AK5: variants seen among roughly 807,000 people sequenced by gnomAD.
The protein encoded by AK5 is adenylate kinase 5.
AK5 carries 27 observed loss-of-function variants against 69.5 expected under a neutral mutation model. The observed-to-expected ratio is 0.39, with a 90% CI of 0.29 to 0.54. The LOEUF (loss-of-function observed/expected upper bound fraction) is 0.54. Among genes scored for constraint, AK5 ranks in the 20% least tolerant of loss-of-function variants. AK5 has a pLI of 0.71. For missense variants in AK5, 531 were observed against 700.4 expected (o/e 0.76, Z 2.73); for synonymous variants, 260 against 244.4 (o/e 1.06, Z -0.60).
chr1:77,539,625 G>A (rs368022756), intron 13 of AK5, among the ~76,000 whole-genome samples: 5 of 152,194 alleles, frequency 3.3e-5, no homozygotes, highest in Non-Finnish European at 5.9e-5. Context: ...TGACAAGAGC[G>A]GGGACTGCAG....
intron 8 of AK5, among the ~76,000 whole-genome samples, chr1:77,468,179 A>G (rs1654259774): frequency 2.0e-5 from 3 of 152,220 alleles, no homozygotes; most frequent in Admixed American, 2.0e-4. Context: ...ATACCATTGA[A>G]GCAGCATTTG....
At chr1:77,425,256 GGCAAGAAATGTTAAA>G (rs1651121087) in intron 8 of AK5, among the ~76,000 whole-genome samples, 1 of 152,108 alleles carries the variant, frequency 6.6e-6, no homozygotes, top group African/African-American at 2.4e-5. Context: ...AGACCTGCCT[GGCAAGAAATGTTAAA>G]AGAACTTCTT....
chr1:77,472,971 G>A (rs903900830), intron 8 of AK5, among the ~76,000 whole-genome samples: 4 of 149,158 alleles, frequency 2.7e-5, no homozygotes, highest in South Asian at 2.2e-4. Flanking sequence ...TTGTGATTGC[G>A]TTGAGCCCGC....
intron 8 of AK5, among the ~76,000 whole-genome samples, chr1:77,435,061 C>T (rs747677991): frequency 7.2e-5 from 11 of 152,106 alleles, no homozygotes; most frequent in Non-Finnish European, 1.6e-4. Context: ...AGCATCAGGT[C>T]ATAACAGCAG....
intron 5 of AK5, among the ~76,000 whole-genome samples, chr1:77,308,019 A>C (rs555924156): frequency 6.6e-6 from 1 of 152,270 alleles, no homozygotes; most frequent in Non-Finnish European, 1.5e-5. Context: ...TCAATTTCTT[A>C]AGTCCCAGAC....
intron 6 of AK5, among the ~76,000 whole-genome samples, chr1:77,378,478 C>T (rs1051315570): frequency 2.0e-5 from 3 of 152,146 alleles, no homozygotes; most frequent in Non-Finnish European, 2.9e-5. Flanking sequence ...TGCACCACCA[C>T]GCCCAGCTAA....
At chr1:77,289,000 T>C (rs538604438) in intron 2 of AK5, among the ~76,000 whole-genome samples, 5 of 152,210 alleles carry the variant, frequency 3.3e-5, no homozygotes, top group Non-Finnish European at 5.9e-5. Flanking sequence ...ACCAAATATT[T>C]TTATTTGACC....
chr1:77,310,615 T>G (rs1659895653), intron 5 of AK5, among the ~76,000 whole-genome samples: 1 of 151,994 alleles, frequency 6.6e-6, no homozygotes, highest in Non-Finnish European at 1.5e-5. Context: ...TCTCCTGACC[T>G]GGTGATCCAC....
chr1:77,483,286 T>G (rs1299484971), intron 8 of AK5, 31 bp from the exon 9 acceptor site: 1 of 1,559,816 alleles, frequency 6.4e-7, no homozygotes, highest in Non-Finnish European at 8.8e-7. Flanking sequence ...CCTGCTGTTA[T>G]TATTATCTAA....
At chr1:77,365,957 C>T (rs1359532721) in intron 6 of AK5, among the ~76,000 whole-genome samples, 1 of 152,186 alleles carries the variant, frequency 6.6e-6, no homozygotes, top group Non-Finnish European at 1.5e-5. Flanking sequence ...TGTAATGGCA[C>T]TGCTTGGGCA....
intron 13 of AK5, 41 bp downstream of exon 13, chr1:77,536,079 C>A (rs1226839387): frequency 2.4e-6 from 3 of 1,263,704 alleles, no homozygotes; most frequent in South Asian, 3.0e-5. Flanking sequence ...AGCCGCTTAC[C>A]TTTTTTTTTT....
intron 5 of AK5, among the ~76,000 whole-genome samples, chr1:77,310,510 G>C (rs1251452626): frequency 1.3e-5 from 2 of 152,008 alleles, no homozygotes; most frequent in African/African-American, 4.8e-5. Context: ...CTCCCGAGTA[G>C]CTGGGACTAC....
intron 6 of AK5, among the ~76,000 whole-genome samples, chr1:77,342,843 T>C (rs1661725999): frequency 6.6e-6 from 1 of 151,904 alleles, no homozygotes; most frequent in Non-Finnish European, 1.5e-5. Context: ...TTTTTTTTTT[T>C]CCTTTTCTCC....
chr1:77,456,384 G>A (rs1202470839), intron 8 of AK5, among the ~76,000 whole-genome samples: 1 of 152,200 alleles, frequency 6.6e-6, no homozygotes, highest in Non-Finnish European at 1.5e-5. Context: ...GTTTCACTTG[G>A]CATCTGCCTG....
In AK5 at chr1:77,333,915, G is replaced by A. The variant is rs553261650; in HGVS notation, c.700-6462G>A. Among the ~76,000 whole-genome samples the A allele has an allele frequency of 3.9e-5, 6 of 152,312 alleles. No individual in the cohort carries two copies. In the South Asian group the frequency reaches 6.2e-4, roughly 16 times the overall value. On this transcript the variant is annotated intron_variant, in intron 5 of 13. Coordinates refer to ENST00000354567, the MANE Select transcript of AK5 (RefSeq NM_174858.3). Reference sequence around the variant, plus strand: ...TGAACAAGTAAAAGATTTTAGAACAGTTGAACTTCATTTACTGCCTCATGA... The same window carrying A: ...TGAACAAGTAAAAGATTTTAGAACAATTGAACTTCATTTACTGCCTCATGA...
chr1:77,321,405 G>A (rs573439979), intron 5 of AK5, among the ~76,000 whole-genome samples: 2 of 152,072 alleles, frequency 1.3e-5, no homozygotes, highest in South Asian at 2.1e-4. Flanking sequence ...AGAGGCGTAG[G>A]TTGCAGTGAG....
At chr1:77,328,356 C>T (rs1034289283) in intron 5 of AK5, among the ~76,000 whole-genome samples, 32 of 152,034 alleles carry the variant, frequency 2.1e-4, no homozygotes, top group South Asian at 4.2e-4. Flanking sequence ...AAAAATTAGC[C>T]GGGCGTGGTG....
At chr1:77,407,396 C>T (rs1211407958) in intron 6 of AK5, among the ~76,000 whole-genome samples, 2 of 151,996 alleles carry the variant, frequency 1.3e-5, no homozygotes, top group Admixed American at 6.6e-5. Flanking sequence ...AGAACCCAGA[C>T]AAAAATAGTT....
chr1:77,544,344 T>G (rs1659429411), intron 13 of AK5, among the ~76,000 whole-genome samples: 1 of 152,226 alleles, frequency 6.6e-6, no homozygotes, highest in Non-Finnish European at 1.5e-5. Flanking sequence ...ATGCTACATT[T>G]GTAAAATATT....
Sources: gnomAD v4.1 joint callset for allele counts (sites outside exome capture counted in the v4.1 genomes callset) on GRCh38, gnomAD v4.1.1 for gene constraint, MANE v1.5 for transcripts, NCBI Gene and HGNC (gene_info 2026-07-23, HGNC 2026-07-21) for gene names.